Variants in PDE4B observed in about 807,000 individuals in gnomAD.
The protein encoded by PDE4B is phosphodiesterase 4B, also known as 3',5'-cyclic-AMP phosphodiesterase 4B.
PDE4B carries 20 observed loss-of-function variants against 82.2 expected under a neutral mutation model. That is an observed-to-expected ratio of 0.24 (90% CI 0.17 to 0.35). The LOEUF (loss-of-function observed/expected upper bound fraction) is 0.35. Among genes scored for constraint, PDE4B ranks in the 10% least tolerant of loss-of-function variants. The pLI, the probability that PDE4B is intolerant of heterozygous loss-of-function variation, is 1.00. For missense variants in PDE4B, 655 were observed against 907.2 expected (o/e 0.72, Z 3.57); for synonymous variants, 320 against 318.9 (o/e 1.00, Z -0.04).
rs527864035 is a variant in PDE4B, at chr1:65,935,948, A to AAAC, written c.281+17137_281+17139dup. ...GCGAAATTCTGTCTCAAAAAAAACA[A>AAAC]AACAACAACAACAACAACAACAACA... is the stretch of plus-strand genomic sequence containing the variant. On this transcript the variant is annotated intron_variant, in intron 3 of 16. Coordinates refer to ENST00000341517, the MANE Select transcript of PDE4B (RefSeq NM_002600.4). Among the ~76,000 whole-genome samples the AAAC allele has an allele frequency of 1.9e-3, 286 of 152,162 alleles. 2 individuals carry two copies. Among genetic ancestry groups the AAAC allele is most frequent in the African/African-American group, 5.3e-3 (220 of 41,476 alleles).
At chr1:66,005,579 A>T (rs1025041595) in intron 3 of PDE4B, among the ~76,000 whole-genome samples, 1 of 152,176 alleles carries the variant, frequency 6.6e-6, no homozygotes, top group African/African-American at 2.4e-5. Context: ...ATTTAAATGA[A>T]TTGCCATTGA....
intron 3 of PDE4B, among the ~76,000 whole-genome samples, chr1:66,200,506 T>A (rs1648801627): frequency 6.6e-6 from 1 of 152,198 alleles, no homozygotes; most frequent in South Asian, 2.1e-4. Flanking sequence ...TTTGTTTGTA[T>A]CCTCTTTTAT....
intron 3 of PDE4B, among the ~76,000 whole-genome samples, chr1:66,228,410 G>A (rs986855570): frequency 5.3e-5 from 8 of 152,112 alleles, no homozygotes; most frequent in Non-Finnish European, 1.0e-4. Context: ...GGATCACGAG[G>A]TCAGGAGATC....
rs534319981 is a variant in PDE4B at position 66,259,867 on chromosome 1, A to G, written c.584+2004A>G. 2.6e-5 allele frequency among the ~76,000 whole-genome samples: 4 copies of G among 152,310 alleles called. No homozygotes were observed. In the East Asian group the frequency reaches 5.8e-4, roughly 22 times the overall value. On this transcript the variant is annotated intron_variant, in intron 6 of 16. Transcript: ENST00000341517. ...CTCTATGTTTTTTTCTTTGTAGAAT[A>G]TGGCCTCTGGCTTCATAGCCCATTT...
intron 3 of PDE4B, among the ~76,000 whole-genome samples, chr1:66,110,479 G>A (rs1260486911): frequency 6.6e-6 from 1 of 151,990 alleles, no homozygotes; most frequent in Non-Finnish European, 1.5e-5. Context: ...GTGTTGTTGT[G>A]GAAATAATGT....
intron 3 of PDE4B, among the ~76,000 whole-genome samples, chr1:66,004,731 C>G (rs1652051869): frequency 6.6e-6 from 1 of 151,972 alleles, no homozygotes; most frequent in African/African-American, 2.4e-5. Context: ...TTGTTTATAT[C>G]AGAAAGTTTA....
chr1:66,210,144 A>G (rs1649906757), intron 3 of PDE4B, among the ~76,000 whole-genome samples: 1 of 152,196 alleles, frequency 6.6e-6, no homozygotes, highest in African/African-American at 2.4e-5. Context: ...TTAATTATAC[A>G]TTTACACTAA....
At chr1:65,853,819 C>T (rs562938880) in intron 1 of PDE4B, among the ~76,000 whole-genome samples, 3 of 152,264 alleles carry the variant, frequency 2.0e-5, no homozygotes, top group African/African-American at 4.8e-5. Context: ...TGAGCCACCG[C>T]GCCTGGCTGA....
At chr1:66,003,391 T>C (rs776296689) in intron 3 of PDE4B, among the ~76,000 whole-genome samples, 48 of 151,650 alleles carry the variant, frequency 3.2e-4, no homozygotes, top group Non-Finnish European at 6.2e-4. Flanking sequence ...GTGAAAGAGA[T>C]AGGAAGAGAA....
chr1:66,178,094 G>A (rs1393497075), intron 3 of PDE4B, among the ~76,000 whole-genome samples: 1 of 150,780 alleles, frequency 6.6e-6, no homozygotes, highest in African/African-American at 2.4e-5. Flanking sequence ...TTCTAACTTA[G>A]TATTTAATAA....
At chr1:65,816,138 A>G (rs567247188) in intron 1 of PDE4B, among the ~76,000 whole-genome samples, 20 of 151,198 alleles carry the variant, frequency 1.3e-4, no homozygotes, top group African/African-American at 4.9e-4. Flanking sequence ...TAAGAAAGCT[A>G]TTTTTTAAAA....
chr1:66,365,727 G>A lies in PDE4B; in HGVS notation c.1345G>A (p.Asp449Asn). ...AIFAAAIHDV[D>N]HPGVSNQFLI... Reference sequence around the variant, plus strand: ...TTTTGCAGCTGCCATCCATGACGTTGATCATCCTGGAGTCTCCAATCAGTT... The same window carrying A: ...TTTTGCAGCTGCCATCCATGACGTTAATCATCCTGGAGTCTCCAATCAGTT... The change falls in exon 13 of 17, where the codon GAT becomes AAT. Residue 449 changes from aspartate to asparagine, a missense_variant. Transcript: ENST00000341517. 2 of 1,609,188 alleles carry A rather than the reference G, an allele frequency of 1.2e-6. No homozygotes were observed. Among genetic ancestry groups the A allele is most frequent in the Non-Finnish European group, 1.7e-6 (2 of 1,176,272 alleles).
chr1:66,278,190 A>G (rs1383773696), intron 7 of PDE4B, among the ~76,000 whole-genome samples: 1 of 152,246 alleles, frequency 6.6e-6, no homozygotes, highest in East Asian at 1.9e-4. Flanking sequence ...AGTGCAATAA[A>G]TTGTAACTAA....
intron 7 of PDE4B, among the ~76,000 whole-genome samples, chr1:66,324,472 G>A (rs1442981830): frequency 1.3e-5 from 2 of 152,022 alleles, no homozygotes; most frequent in Non-Finnish European, 2.9e-5. Context: ...TTTCTCTCTT[G>A]GGGTTATTTT....
chr1:66,031,173 C>A (rs1358018346), intron 3 of PDE4B, among the ~76,000 whole-genome samples: 3 of 151,950 alleles, frequency 2.0e-5, no homozygotes, highest in African/African-American at 7.3e-5. Context: ...ACTTCTAATG[C>A]CAAAGACTAC....
chr1:66,311,049 A>G (rs866550539), intron 7 of PDE4B, among the ~76,000 whole-genome samples: 1 of 152,314 alleles, frequency 6.6e-6, no homozygotes, highest in African/African-American at 2.4e-5. Context: ...TTTTGTATCC[A>G]TGGGATCTTG....
chr1:66,164,855 C>T (rs1260050840), intron 3 of PDE4B, among the ~76,000 whole-genome samples: 1 of 150,264 alleles, frequency 6.7e-6, no homozygotes, highest in Non-Finnish European at 1.5e-5. Flanking sequence ...CTCCACCTCC[C>T]GGGTTCATGC....
chr1:66,364,151 C>T (rs1351844396), intron 12 of PDE4B, among the ~76,000 whole-genome samples: 2 of 151,952 alleles, frequency 1.3e-5, no homozygotes, highest in African/African-American at 4.8e-5. Context: ...CCAATGCCAC[C>T]CTAGGTATAT....
intron 3 of PDE4B, among the ~76,000 whole-genome samples, chr1:66,188,936 A>T (rs1647463404): frequency 6.6e-6 from 1 of 152,066 alleles, no homozygotes. Context: ...TCCTCGATGG[A>T]CTTTACAATT....
Sources: gnomAD v4.1 joint callset for allele counts (sites outside exome capture counted in the v4.1 genomes callset) on GRCh38, gnomAD v4.1.1 for gene constraint, MANE v1.5 for transcripts, NCBI Gene and HGNC (gene_info 2026-07-23, HGNC 2026-07-21) for gene names.